FANCD2: variants seen among roughly 807,000 people sequenced by gnomAD.
FANCD2 encodes Fanconi anemia group D2 protein.
FANCD2 carries 131 observed loss-of-function variants against 192.3 expected under a neutral mutation model. That is an observed-to-expected ratio of 0.68 (90% CI 0.59 to 0.79). The LOEUF is 0.79. FANCD2 is among the 30% of genes least tolerant of loss of function. The pLI is 0.00. For missense variants in FANCD2, 1,508 were observed against 1,701.6 expected (o/e 0.89, Z 2.00); for synonymous variants, 524 against 612.5 (o/e 0.86, Z 2.13).
At chr3:10,094,706 T>TA (rs950105118) in intron 40 of FANCD2, among the ~76,000 whole-genome samples, 104 of 147,776 alleles carry the variant, frequency 7.0e-4, no homozygotes, top group Admixed American at 1.4e-3. Flanking sequence ...GAAATGATTT[T>TA]AAAAAAAAAA....
Position 10,079,105 on chromosome 3 carries a change from A to G in FANCD2, c.2976+908A>G, listed in dbSNP as rs545327078. Among the ~76,000 whole-genome samples the G allele has an allele frequency of 1.1e-4, 16 of 151,788 alleles. No homozygotes were observed. The East Asian group carries it at 1.8e-3, about 17-fold the overall frequency. On this transcript the variant is annotated intron_variant, in intron 30 of 43. Transcript: ENST00000675286. ...AAAATACAAAAAAAATTAGCCAGGTATGGTGGCGCATGCTTGTAGTCCCAG... is the reference window on the plus strand; with the variant it reads ...AAAATACAAAAAAAATTAGCCAGGTGTGGTGGCGCATGCTTGTAGTCCCAG...
intron 22 of FANCD2, 128 bp from the exon 23 acceptor site, chr3:10,064,601 A>G: frequency 7.6e-7 from 1 of 1,319,942 alleles, no homozygotes; most frequent in Non-Finnish European, 1.1e-6. Flanking sequence ...AATTCCTAAA[A>G]GGTTCACTGT....
chr3:10,062,855 T>A (rs1289322620), intron 20 of FANCD2, among the ~76,000 whole-genome samples: 4 of 152,010 alleles, frequency 2.6e-5, no homozygotes, highest in African/African-American at 9.7e-5. Context: ...CCAGTTAAAT[T>A]TGTATTTTTA....
chr3:10,078,259 T>C (rs1693640394), intron 30 of FANCD2, 62 bp downstream of exon 30: 26 of 1,156,464 alleles, frequency 2.2e-5, no homozygotes, highest in South Asian at 2.1e-4. Context: ...GGAGGTATTA[T>C]GATGAAAAAG....
At chr3:10,095,167 T>G (rs770482835) in intron 40 of FANCD2, 33 bp from the exon 41 acceptor site, 20 of 1,562,780 alleles carry the variant, frequency 1.3e-5, no homozygotes, top group Non-Finnish European at 1.8e-5. Context: ...ATCAGGACAT[T>G]TCATAGAGCA....
intron 16 of FANCD2, among the ~76,000 whole-genome samples, 195 bp downstream of exon 16, chr3:10,048,246 A>G (rs575893225): frequency 1.8e-4 from 28 of 152,372 alleles, no homozygotes; most frequent in Admixed American, 1.7e-3. Context: ...TCTGAGCTCT[A>G]AAATTCTCTG....
Position 10,101,440 on chromosome 3 carries a change from C to T in FANCD2, c.*178C>T. 1 of 556,748 alleles carries T rather than the reference C, an allele frequency of 1.8e-6. No individual in the cohort carries two copies. 34.5% of individuals were successfully genotyped at this position (556,748 alleles called of 1,614,324 possible). A position where few individuals can be genotyped will look rare whatever the true frequency, so the allele number is the denominator to read the frequency against. On this transcript the variant is annotated 3_prime_UTR_variant, in exon 44 of 44. Transcript: ENST00000675286. ...TCGCTGTGTTTCCCAGGCTGGAGTG[C>T]AGTGCTGCAATCTTGGCTCACTGCA...
At chr3:10,094,387 A>C (rs762793040) in intron 40 of FANCD2, 24 bp downstream of exon 40, 16 of 1,593,006 alleles carry the variant, frequency 1.0e-5, no homozygotes, top group Non-Finnish European at 1.3e-5. Flanking sequence ...GCAGAGAACA[A>C]AGATATGCAC....
intron 42 of FANCD2, among the ~76,000 whole-genome samples, chr3:10,098,033 A>C (rs1018124022): frequency 1.3e-5 from 2 of 152,140 alleles, no homozygotes; most frequent in Non-Finnish European, 2.9e-5. Flanking sequence ...GTTGTTTATA[A>C]TACTACTTTG....
chr3:10,091,034 AG>A (rs1694574945), intron 37 of FANCD2, among the ~76,000 whole-genome samples: 1 of 151,840 alleles, frequency 6.6e-6, no homozygotes, highest in Admixed American at 6.6e-5. Context: ...AGTAAGAGAA[AG>A]GGCTAGCATA....
Position 10,074,685 on chromosome 3 carries a change from G to C in FANCD2, c.2859+12G>C. 3 of 1,612,980 alleles carry C rather than the reference G, an allele frequency of 1.9e-6. No homozygotes were observed. Among genetic ancestry groups the C allele is most frequent in the Non-Finnish European group, 2.5e-6 (3 of 1,179,390 alleles). On this transcript the variant is annotated intron_variant, in intron 29 of 43. Transcript: ENST00000675286. ...AAATGCACACTGAAGTAAGTGACAGGCTAGGATCTCAGAATTTAATCTTCT... is the reference window on the plus strand; with the variant it reads ...AAATGCACACTGAAGTAAGTGACAGCCTAGGATCTCAGAATTTAATCTTCT...
Position 10,062,206 on chromosome 3 carries a change from A to C in FANCD2, c.1822A>C (p.Thr608Pro), listed in dbSNP as rs1559387289. 1 of 1,612,552 alleles carries C rather than the reference A, an allele frequency of 6.2e-7. No homozygotes were observed. The change falls in exon 20 of 44, where the codon ACA becomes CCA. Residue 608 changes from threonine to proline, a missense_variant. Physicochemically the swap from Thr to Pro is conservative, Grantham distance 38 (BLOSUM62 -1). This residue lies in a region of FANCD2 where 110 missense variants were observed against 114.4 expected (regional missense o/e 0.96). Coordinates refer to ENST00000675286, the MANE Select transcript of FANCD2 (RefSeq NM_001018115.3). The part of the protein sequence containing the change: ...ERANLSDEQC[T>P]QVTSLLQLVH... ...AGCCAACCTGAGCGATGAGCAGTGCACACAGGTGAGTTCTTTTTTTCCTTT... is the reference window on the plus strand; with the variant it reads ...AGCCAACCTGAGCGATGAGCAGTGCCCACAGGTGAGTTCTTTTTTTCCTTT...
At position 10,052,782 on chromosome 3, in the gene FANCD2, C is replaced by T. The variant is rs556213768; in HGVS notation, c.1656+285C>T. 4.0e-5 allele frequency among the ~76,000 whole-genome samples: 6 copies of T among 151,608 alleles called. 1 individual carries two copies. In the South Asian group the frequency reaches 1.3e-3, roughly 32 times the overall value. Reference sequence around the variant, plus strand: ...GCCAAAAAACACATGAAAAAGTGCTCATCATCACTGGCCATCAGAGAAATG... The same window carrying T: ...GCCAAAAAACACATGAAAAAGTGCTTATCATCACTGGCCATCAGAGAAATG... On this transcript the variant is annotated intron_variant, in intron 18 of 43. Coordinates refer to ENST00000675286, the MANE Select transcript of FANCD2 (RefSeq NM_001018115.3).
intron 1 of FANCD2, among the ~76,000 whole-genome samples, chr3:10,027,091 T>G (rs1319586267): frequency 6.6e-6 from 1 of 152,202 alleles, no homozygotes; most frequent in African/African-American, 2.4e-5. Context: ...AAACAGTTCT[T>G]GTTAGCTTTT....
Position 10,088,523 on chromosome 3 carries a change from C to T in FANCD2, c.3541C>T (p.Gln1181Ter), listed in dbSNP as rs1694376599. ...AGAGAAGAGCAACATCTCTAATGAC[C>T]AGCTCCATGCTCTGCTCTGGTGAGA... Reference protein sequence around the residue: ...DKEKSNISNDQLHALLCIYLE... With the variant: ...DKEKSNISND Residue 1181 changes from glutamine (Q) to a stop codon, truncating the protein, a stop_gained, in exon 35 of 44, where the codon CAG becomes TAG. Coordinates refer to ENST00000675286, the MANE Select transcript of FANCD2 (RefSeq NM_001018115.3). LOFTEE classifies it high-confidence loss of function. The T allele has an allele frequency of 6.2e-7, 1 of 1,605,768 alleles. No individual in the cohort carries two copies. Among genetic ancestry groups the T allele is most frequent in the Non-Finnish European group, 8.5e-7 (1 of 1,172,408 alleles).
rs35173688 is a variant in FANCD2, at chr3:10,039,303, A to G, written c.516A>G (p.Ile172Met). Reference sequence around the variant, plus strand: ...GCAAGAACAGTGATGAAATCAACATACCTCGACTCATTGTCAGTCAACTAA... The same window carrying G: ...GCAAGAACAGTGATGAAATCAACATGCCTCGACTCATTGTCAGTCAACTAA... ...FENKNSDEIN[I>M]PRLIVSQLKW... Residue 172 changes from isoleucine to methionine, a missense_variant, in exon 8 of 44, where the codon ATA becomes ATG. Around this residue, in one of 5 missense-constraint regions of FANCD2, gnomAD observed 435 missense variants for 421.9 expected, o/e 1.03. Transcript: ENST00000675286. 5,397 of 1,613,798 alleles carry G rather than the reference A, an allele frequency of 3.3e-3. 172 individuals are homozygous for G. In the African/African-American group the frequency reaches 0.063, roughly 19 times the overall value.
intron 32 of FANCD2, among the ~76,000 whole-genome samples, chr3:10,082,592 A>G (rs1315750808): frequency 2.0e-5 from 3 of 152,064 alleles, no homozygotes; most frequent in Non-Finnish European, 2.9e-5. Context: ...TGAGCACCCT[A>G]TATAGCTTTT....
chr3:10,080,210 G>T (rs572924144), intron 30 of FANCD2, among the ~76,000 whole-genome samples: 12 of 152,128 alleles, frequency 7.9e-5, no homozygotes, highest in Admixed American at 7.2e-4. Context: ...ACAGTGCCCA[G>T]CAATTCATTC....
chr3:10,030,664 C>G (rs1166197848), intron 2 of FANCD2, among the ~76,000 whole-genome samples: 2 of 152,118 alleles, frequency 1.3e-5, no homozygotes, highest in African/African-American at 4.8e-5. Flanking sequence ...CTTTGGGAGG[C>G]CAAGGCGGGC....
Sources: allele counts gnomAD v4.1 joint callset (sites outside exome capture counted in the v4.1 genomes callset), GRCh38; gene constraint gnomAD v4.1.1; regional missense constraint gnomAD v4.1.1; transcripts MANE v1.5; gene names NCBI Gene and HGNC (gene_info 2026-07-23, HGNC 2026-07-21).